The following LRSAM1 variants were observed in gnomAD, a reference collection of about 807,000 sequenced individuals.
LRSAM1 encodes the protein leucine rich repeat and sterile alpha motif containing 1.
In LRSAM1, 96 loss-of-function variants were observed where a neutral mutation model predicts 118.1. The observed-to-expected ratio is 0.81, with a 90% CI of 0.69 to 0.96. The LOEUF is 0.96. Among genes scored for constraint, LRSAM1 ranks in the 40% least tolerant of loss-of-function variants. The probability of loss-of-function intolerance (pLI) is 0.00; values close to 1 mark genes in which losing one functional copy is unlikely to be tolerated. For missense variants in LRSAM1, 804 were observed against 915.5 expected, an observed-to-expected ratio of 0.88 and a Z score of 1.57; for synonymous variants, 322 against 364.2, an observed-to-expected ratio of 0.88 and a Z score of 1.32.
intron 4 of LRSAM1, 78 bp from the exon 5 acceptor site, chr9:127,455,498 C>A: frequency 6.9e-7 from 1 of 1,453,006 alleles, no homozygotes; most frequent in Non-Finnish European, 9.7e-7. Context: ...CTGTCTCTTC[C>A]TCACGTGAAT....
intron 10 of LRSAM1, among the ~76,000 whole-genome samples, chr9:127,468,849 C>A (rs1169112641): frequency 1.4e-5 from 2 of 144,872 alleles, no homozygotes; most frequent in African/African-American, 5.1e-5. Flanking sequence ...ATCAGCCAGG[C>A]GTGGTGGCAC....
chr9:127,484,739 A>T (rs1423937448), intron 16 of LRSAM1, among the ~76,000 whole-genome samples: 1 of 151,724 alleles, frequency 6.6e-6, no homozygotes, highest in Non-Finnish European at 1.5e-5. Context: ...TAATGCTACA[A>T]ATGTGTGTGT....
intron 21 of LRSAM1, 64 bp from the exon 22 acceptor site, chr9:127,495,256 A>G: frequency 2.0e-6 from 3 of 1,511,008 alleles, no homozygotes; most frequent in Non-Finnish European, 2.7e-6. Context: ...CCTGGCAACC[A>G]TCATTGTTAT....
intron 16 of LRSAM1, among the ~76,000 whole-genome samples, chr9:127,483,767 G>A (rs1031983571): frequency 2.6e-5 from 4 of 152,070 alleles, no homozygotes; most frequent in Non-Finnish European, 5.9e-5. Context: ...AGGTTTAAGC[G>A]ATTCTCCTGC....
chr9:127,481,471 A>G (rs1835537528), intron 15 of LRSAM1, among the ~76,000 whole-genome samples: 1 of 151,860 alleles, frequency 6.6e-6, no homozygotes, highest in Non-Finnish European at 1.5e-5. Flanking sequence ...GATGGTTTCG[A>G]TCTCCTGACC....
At chr9:127,458,943 G>T in intron 6 of LRSAM1, 60 bp from the exon 7 acceptor site, 1 of 1,585,002 alleles carries the variant, frequency 6.3e-7, no homozygotes. Context: ...TCAGCGCTCT[G>T]GAGCCCGGAG....
At chr9:127,487,281 T>G (rs1198936377) in intron 17 of LRSAM1, among the ~76,000 whole-genome samples, 3 of 151,928 alleles carry the variant, frequency 2.0e-5, no homozygotes, top group Admixed American at 2.0e-4. Context: ...CCTTGCTCCC[T>G]GCCCAGGGTG....
At chr9:127,484,080 C>T (rs1015973821) in intron 16 of LRSAM1, among the ~76,000 whole-genome samples, 1 of 152,106 alleles carries the variant, frequency 6.6e-6, no homozygotes, top group Admixed American at 6.6e-5. Flanking sequence ...ACTAACTCCC[C>T]GTGCCCCCCT....
chr9:127,482,816 A>G (rs1225565905), intron 15 of LRSAM1, 134 bp from the exon 16 acceptor site: 1 of 771,574 alleles, frequency 1.3e-6, no homozygotes, highest in Non-Finnish European at 2.2e-6. Context: ...GTGATGCGGT[A>G]GGCATCCAGA....
intron 6 of LRSAM1, among the ~76,000 whole-genome samples, chr9:127,458,775 G>C (rs1319867771): frequency 6.6e-6 from 1 of 152,070 alleles, no homozygotes; most frequent in Non-Finnish European, 1.5e-5. Flanking sequence ...TTATAGCATA[G>C]TTTTTCAGTT....
chr9:127,488,482 G>A (rs545947282), intron 18 of LRSAM1, among the ~76,000 whole-genome samples: 2 of 151,966 alleles, frequency 1.3e-5, no homozygotes, highest in Admixed American at 6.6e-5. Flanking sequence ...GGCTGGTCTC[G>A]AACTCCTGAC....
chr9:127,473,213 C>T (rs1564264954), intron 10 of LRSAM1, among the ~76,000 whole-genome samples: 1 of 152,176 alleles, frequency 6.6e-6, no homozygotes, highest in East Asian at 1.9e-4. Context: ...ACTTTGAGTA[C>T]ATCAAAACTT....
chr9:127,466,251 A>T (rs1232243180), intron 9 of LRSAM1, among the ~76,000 whole-genome samples: 7 of 151,844 alleles, frequency 4.6e-5, no homozygotes, highest in African/African-American at 9.7e-5. Context: ...AAAGGTTGCA[A>T]TGAGCTGAGA....
At chr9:127,464,311 G>A (rs565104700) in intron 9 of LRSAM1, among the ~76,000 whole-genome samples, 9 of 152,242 alleles carry the variant, frequency 5.9e-5, no homozygotes, top group East Asian at 1.9e-4. Context: ...TTCAGTGACC[G>A]TGCTGTCCAG....
At chr9:127,475,097 AG>A (rs1270292152) in intron 11 of LRSAM1, among the ~76,000 whole-genome samples, 1 of 151,858 alleles carries the variant, frequency 6.6e-6, no homozygotes, top group Non-Finnish European at 1.5e-5. Flanking sequence ...AGAATTAGAG[AG>A]GGAGGAGAAG....
chr9:127,465,110 C>G lies in LRSAM1; in HGVS notation c.529-2630C>G, dbSNP rs1464613408. Reference sequence around the variant, plus strand: ...CCACCCACCAAACAGCCCACCAGGTCGGTAACACTGCCTGTTTGGCTATGA... The same window carrying G: ...CCACCCACCAAACAGCCCACCAGGTGGGTAACACTGCCTGTTTGGCTATGA... On this transcript the variant is annotated intron_variant, in intron 9 of 25. Coordinates refer to ENST00000300417, the MANE Select transcript of LRSAM1 (RefSeq NM_001005373.4). This position sits in a 1 kb window ranked among gnomAD's most constrained non-coding sequence, Gnocchi z 4.1. Among the ~76,000 whole-genome samples the G allele has an allele frequency of 6.6e-6, 1 of 152,158 alleles. No individual in the cohort carries two copies. The highest frequency in any genetic ancestry group is 1.9e-4 in the East Asian group (1 of 5,192).
chr9:127,454,231 C>T (rs184044725), intron 2 of LRSAM1, among the ~76,000 whole-genome samples: 8 of 151,940 alleles, frequency 5.3e-5, no homozygotes, highest in East Asian at 1.9e-4. Context: ...ACTGGAAAGT[C>T]GCAGCCTCTG....
intron 20 of LRSAM1, among the ~76,000 whole-genome samples, chr9:127,492,006 C>T (rs1835951920): frequency 6.6e-6 from 1 of 152,244 alleles, no homozygotes; most frequent in African/African-American, 2.4e-5. Flanking sequence ...CGGTCTGTCA[C>T]TGTCCCTGTG....
intron 8 of LRSAM1, among the ~76,000 whole-genome samples, chr9:127,461,536 G>T (rs1834746484): frequency 6.6e-6 from 1 of 152,230 alleles, no homozygotes; most frequent in African/African-American, 2.4e-5. Context: ...TATTTATAAT[G>T]GTGAGTGTAG....
Sources: gnomAD v4.1 joint callset for allele counts (sites outside exome capture counted in the v4.1 genomes callset) on GRCh38, gnomAD v4.1.1 for gene constraint, Gnocchi (gnomAD v3.1) non-coding constraint, MANE v1.5 for transcripts, NCBI Gene and HGNC (gene_info 2026-07-23, HGNC 2026-07-21) for gene names.